Variants in PCSK5 observed in about 807,000 individuals in gnomAD.
PCSK5 encodes proprotein convertase subtilisin/kexin type 5, also known as prohormone convertase 5.
A neutral mutation model predicts 233.2 loss-of-function variants in PCSK5; 129 were observed. The ratio of observed to expected loss-of-function variants is 0.55; its 90% CI spans 0.48 to 0.64. PCSK5 has a LOEUF of 0.64. Among genes scored for constraint, PCSK5 ranks in the 30% least tolerant of loss-of-function variants. PCSK5 has a pLI of 0.00. For synonymous variants in PCSK5, 825 were observed against 879.2 expected, an observed-to-expected ratio of 0.94 and a Z score of 1.09; for missense variants, 2,076 against 2,430.1, an observed-to-expected ratio of 0.85 and a Z score of 3.06.
rs150832025 is a variant in PCSK5 at position 76,198,779 on chromosome 9, G to A, written c.2626+9033G>A. ...CCTCTTCAAACTTATAGTCTAATGA[G>A]GGAAACAGACACTTAGACATAAAAC... On this transcript the variant is annotated intron_variant, in intron 20 of 37. Coordinates refer to ENST00000674117, the MANE Select transcript of PCSK5 (RefSeq NM_001372043.1). 3.1e-3 allele frequency among the ~76,000 whole-genome samples: 474 copies of A among 152,262 alleles called. 2 individuals carry two copies. Among genetic ancestry groups the A allele is most frequent in the African/African-American group, 0.011 (440 of 41,554 alleles).
intron 3 of PCSK5, among the ~76,000 whole-genome samples, chr9:76,012,250 A>G (rs1230037741): frequency 6.6e-6 from 1 of 152,260 alleles, no homozygotes; most frequent in African/African-American, 2.4e-5. Context: ...TATGTCCTTC[A>G]GAAGGACTTT....
intron 3 of PCSK5, among the ~76,000 whole-genome samples, chr9:76,012,085 A>G (rs1827750623): frequency 6.6e-6 from 1 of 152,208 alleles, no homozygotes; most frequent in African/African-American, 2.4e-5. Flanking sequence ...CTTAGTATCT[A>G]AAAGGCATTG....
At position 75,903,610 on chromosome 9, in the gene PCSK5, A is replaced by T. The variant is rs547414105; in HGVS notation, c.192+12237A>T. 5.6e-3 allele frequency among the ~76,000 whole-genome samples: 785 copies of T among 139,698 alleles called. 12 individuals are homozygous for T. Among genetic ancestry groups the T allele is most frequent in the Admixed American group, 9.0e-3 (127 of 14,122 alleles). 91.6% of individuals were successfully genotyped at this position (139,698 alleles called of 152,430 possible). A position where few individuals can be genotyped will look rare whatever the true frequency, so the allele number is the denominator to read the frequency against. On this transcript the variant is annotated intron_variant, in intron 1 of 37. Coordinates refer to ENST00000674117, the MANE Select transcript of PCSK5 (RefSeq NM_001372043.1). ...TATAAAATATATATTATATATATAT[A>T]TTATATATATATATAAAATAAGTAT... is the stretch of plus-strand genomic sequence containing the variant.
chr9:76,144,115 T>C (rs774485739), intron 10 of PCSK5, among the ~76,000 whole-genome samples: 1 of 152,134 alleles, frequency 6.6e-6, no homozygotes, highest in Non-Finnish European at 1.5e-5. Flanking sequence ...TTTTCCTCCT[T>C]CCGAAGTATT....
At chr9:75,891,799 C>A (rs1825617320) in intron 1 of PCSK5, among the ~76,000 whole-genome samples, 1 of 152,020 alleles carries the variant, frequency 6.6e-6, no homozygotes, top group African/African-American at 2.4e-5. Context: ...CCTCTGATGC[C>A]TGCGGGGAAG....
intron 8 of PCSK5, 88 bp downstream of exon 8, chr9:76,096,190 TACAC>T (rs3074177): frequency 7.4e-5 from 44 of 591,586 alleles, no homozygotes; most frequent in African/African-American, 3.8e-4. Context: ...TATATATATA[TACAC>T]ACACACACAC....
rs754662552 is a variant in PCSK5 at position 76,067,990 on chromosome 9, C to T, written c.668C>T (p.Ala223Val). 9 of 1,614,090 alleles carry T rather than the reference C, an allele frequency of 5.6e-6. No homozygotes were observed. The highest frequency in any genetic ancestry group is 5.9e-6 in the Non-Finnish European group (7 of 1,179,974). The part of the protein sequence containing the change: ...GTRCAGEVAA[A>V]ANNSHCTVGI... ...CGCTGTGCTGGAGAAGTGGCAGCCG[C>T]TGCAAACAATTCGCACTGCACAGTC... Residue 223 changes from alanine to valine, a missense_variant, in exon 6 of 38, where the codon GCT (alanine) becomes GTT (valine). Around this residue, in one of 6 missense-constraint regions of PCSK5, gnomAD observed 178 missense variants for 393.6 expected, o/e 0.45. Coordinates refer to ENST00000674117, the MANE Select transcript of PCSK5 (RefSeq NM_001372043.1).
At chr9:75,908,941 G>GTCTGTCTGTCTATCTA (rs1412497396) in intron 1 of PCSK5, among the ~76,000 whole-genome samples, 5 of 116,548 alleles carry the variant, frequency 4.3e-5, no homozygotes, top group African/African-American at 9.4e-5. Context: ...CTCTCTCTCT[G>GTCTGTCTGTCTATCTA]TCTATCTATC....
chr9:76,339,421 T>C (rs1221583229), intron 35 of PCSK5, among the ~76,000 whole-genome samples: 1 of 152,174 alleles, frequency 6.6e-6, no homozygotes, highest in Admixed American at 6.5e-5. Context: ...TAGCATTGCA[T>C]TGAATTTATT....
intron 24 of PCSK5, among the ~76,000 whole-genome samples, chr9:76,282,352 C>T (rs201697176): frequency 0.11 from 13,888 of 130,928 alleles, 825 homozygotes; most frequent in African/African-American, 0.19. Flanking sequence ...TTTCTTCTGT[C>T]TTTTTTTTTT....
intron 35 of PCSK5, among the ~76,000 whole-genome samples, chr9:76,340,088 A>G (rs1829786601): frequency 6.6e-6 from 1 of 152,114 alleles, no homozygotes; most frequent in Admixed American, 6.5e-5. Flanking sequence ...TCCTCCCAGG[A>G]GTATTCTTCC....
chr9:75,957,644 T>TA (rs1825152997), intron 2 of PCSK5, among the ~76,000 whole-genome samples: 1 of 152,204 alleles, frequency 6.6e-6, no homozygotes, highest in African/African-American at 2.4e-5. Flanking sequence ...CCTAATTATA[T>TA]ATAGCTGGCT....
intron 17 of PCSK5, among the ~76,000 whole-genome samples, chr9:76,187,401 C>T (rs1459423623): frequency 6.6e-6 from 1 of 151,920 alleles, no homozygotes; most frequent in Non-Finnish European, 1.5e-5. Context: ...CAGAGTCTTG[C>T]TCTGACAGCC....
intron 2 of PCSK5, among the ~76,000 whole-genome samples, chr9:75,962,210 C>T (rs934792960): frequency 2.0e-5 from 3 of 152,160 alleles, no homozygotes; most frequent in Admixed American, 6.5e-5. Flanking sequence ...TGGGAAGGAG[C>T]ATGGGTGGTT....
intron 3 of PCSK5, among the ~76,000 whole-genome samples, chr9:76,009,477 A>C (rs960940661): frequency 2.0e-5 from 3 of 152,000 alleles, no homozygotes; most frequent in Admixed American, 6.6e-5. Flanking sequence ...AAATACAAAA[A>C]TTAGCCAGGC....
At chr9:75,903,590 A>ATAT (rs1564071257) in intron 1 of PCSK5, among the ~76,000 whole-genome samples, 2 of 122,704 alleles carry the variant, frequency 1.6e-5, no homozygotes, top group African/African-American at 7.7e-5. Context: ...ATATATATAA[A>ATAT]ATATATATTA....
chr9:75,908,653 C>T (rs553045590), intron 1 of PCSK5, among the ~76,000 whole-genome samples: 11 of 152,246 alleles, frequency 7.2e-5, no homozygotes, highest in African/African-American at 2.4e-4. Context: ...TTCTCACTGC[C>T]GGGACATCCA....
chr9:76,047,242 G>A (rs1196090262), intron 5 of PCSK5, among the ~76,000 whole-genome samples: 1 of 151,780 alleles, frequency 6.6e-6, no homozygotes, highest in Non-Finnish European at 1.5e-5. Context: ...GACTACAGGC[G>A]CCCGCCACCA....
At chr9:76,292,116 T>C (rs1488267081) in intron 24 of PCSK5, 117 bp from the exon 25 acceptor site, 3 of 690,140 alleles carry the variant, frequency 4.3e-6, no homozygotes, top group Non-Finnish European at 7.8e-6. Flanking sequence ...TTCTGGACAG[T>C]ACATTTCATG....
Sources: allele counts gnomAD v4.1 joint callset (sites outside exome capture counted in the v4.1 genomes callset), GRCh38; gene constraint gnomAD v4.1.1; regional missense constraint gnomAD v4.1.1; transcripts MANE v1.5; gene names NCBI Gene and HGNC (gene_info 2026-07-23, HGNC 2026-07-21).